DENND11: variants seen among roughly 807,000 people sequenced by gnomAD.
DENND11 encodes DENN domain-containing protein 11.
DENND11 carries 34 observed loss-of-function variants against 49.2 expected under a neutral mutation model. That is an observed-to-expected ratio of 0.69 (90% CI 0.53 to 0.92). The LOEUF is 0.92. Ranked by LOEUF, DENND11 falls within the 40% of genes least tolerant of loss-of-function variation. DENND11 has a pLI of 0.00. For missense variants in DENND11, 475 were observed against 581.6 expected, an observed-to-expected ratio of 0.82 and a Z score of 1.88; for synonymous variants, 238 against 230.3, an observed-to-expected ratio of 1.03 and a Z score of -0.30.
intron 3 of DENND11, among the ~76,000 whole-genome samples, chr7:141,674,922 GC>G (rs577402739): frequency 1.3e-5 from 2 of 152,184 alleles, no homozygotes; most frequent in South Asian, 2.1e-4. Context: ...GGAGAATCCT[GC>G]CCCCCAGTGG....
intron 1 of DENND11, among the ~76,000 whole-genome samples, chr7:141,694,528 T>C (rs1331448792): frequency 6.6e-6 from 1 of 152,198 alleles, no homozygotes; most frequent in Admixed American, 6.5e-5. Flanking sequence ...TCCAAAGTGT[T>C]GGTATTACAG....
intron 4 of DENND11, among the ~76,000 whole-genome samples, chr7:141,670,032 G>C (rs932591517): frequency 7.3e-5 from 11 of 150,290 alleles, no homozygotes; most frequent in Admixed American, 2.6e-4. Flanking sequence ...GGATGGTCTC[G>C]ATCTCCTGAC....
intron 4 of DENND11, among the ~76,000 whole-genome samples, chr7:141,668,350 G>T (rs551315915): frequency 2.0e-5 from 3 of 152,140 alleles, no homozygotes; most frequent in Non-Finnish European, 4.4e-5. Context: ...ACTTTGGGAG[G>T]CCGAGGTGGG....
chr7:141,665,231 A>C lies in DENND11; in HGVS notation c.908T>G (p.Val303Gly). The C allele has an allele frequency of 1.2e-6, 2 of 1,613,484 alleles. No individual in the cohort carries two copies. Among genetic ancestry groups the C allele is most frequent in the Non-Finnish European group, 1.7e-6 (2 of 1,179,714 alleles). ...TACCTCCAGGCTCTCGATGTCAGCC[A>C]CGTTCACGTAGAAGAAAGGTTTGGA... ...PESKPFFYVNVADIESLEVEV... is the reference protein window; with the variant it reads ...PESKPFFYVNGADIESLEVEV... The change falls in exon 6 of 9, where the codon GTG becomes GGG. Residue 303 changes from valine (V) to glycine (G), a missense_variant. Physicochemically the swap from Val to Gly is moderately radical, Grantham distance 109. Coordinates refer to ENST00000536163, the MANE Select transcript of DENND11 (RefSeq NM_001080392.2).
chr7:141,700,002 G>A (rs1798481175), intron 1 of DENND11, among the ~76,000 whole-genome samples: 1 of 152,128 alleles, frequency 6.6e-6, no homozygotes, highest in African/African-American at 2.4e-5. Context: ...AGGAATGGGG[G>A]CAGGTACTAG....
chr7:141,677,513 A>G (rs1271769775), intron 3 of DENND11, among the ~76,000 whole-genome samples: 3 of 130,506 alleles, frequency 2.3e-5, no homozygotes, highest in East Asian at 5.0e-4. Flanking sequence ...GTATATATAT[A>G]TATATATGTA....
intron 4 of DENND11, among the ~76,000 whole-genome samples, chr7:141,672,474 A>G (rs2117059045): frequency 6.6e-6 from 1 of 152,348 alleles, no homozygotes; most frequent in Non-Finnish European, 1.5e-5. Flanking sequence ...AACTGAGGGG[A>G]GCCCCCAACT....
Position 141,665,022 on chromosome 7 carries a change from C to T in DENND11, c.985G>A (p.Glu329Lys), listed in dbSNP as rs1036056178. The T allele has an allele frequency of 6.2e-7, 1 of 1,613,918 alleles. No individual in the cohort carries two copies. The highest frequency in any genetic ancestry group is 1.7e-5 in the Admixed American group (1 of 60,004). Reference sequence around the variant, plus strand: ...TTATCCACGTAGACGTCATACAGCTCCCGCTTCTCCTCGAATATCTTCTCT... The same window carrying T: ...TTATCCACGTAGACGTCATACAGCTTCCGCTTCTCCTCGAATATCTTCTCT... ...TTEKIFEEKR[E>K]LYDVYVDNQN... Residue 329 changes from glutamate to lysine, a missense_variant, in exon 7 of 9, where the codon GAG becomes AAG. Coordinates refer to ENST00000536163, the MANE Select transcript of DENND11 (RefSeq NM_001080392.2).
chr7:141,690,360 T>G (rs867340064), intron 1 of DENND11, among the ~76,000 whole-genome samples: 1 of 152,184 alleles, frequency 6.6e-6, no homozygotes, highest in Non-Finnish European at 1.5e-5. Flanking sequence ...CCCACCTATC[T>G]TCATGAGTTT....
intron 4 of DENND11, among the ~76,000 whole-genome samples, chr7:141,668,791 T>C (rs1797933650): frequency 6.6e-6 from 1 of 152,212 alleles, no homozygotes; most frequent in African/African-American, 2.4e-5. Flanking sequence ...TCTCACCCCT[T>C]CTCACCTGCA....
intron 3 of DENND11, among the ~76,000 whole-genome samples, chr7:141,677,399 AAAAAT>A (rs1308690535): frequency 3.1e-5 from 3 of 96,926 alleles, no homozygotes; most frequent in Admixed American, 1.4e-4. Context: ...TCAAAAAAAA[AAAAAT>A]ATATATATAT....
In DENND11 at chr7:141,662,888, G is replaced by A. The variant is rs762025222; in HGVS notation, c.1173-37C>T. 1,445 of 1,469,246 alleles carry A rather than the reference G, an allele frequency of 9.8e-4. 1 individual carries two copies. The highest frequency in any genetic ancestry group is 1.2e-3 in the Non-Finnish European group (1,328 of 1,100,664). 91.0% of individuals were successfully genotyped at this position (1,469,246 alleles called of 1,614,324 possible). A position where few individuals can be genotyped will look rare whatever the true frequency, so the allele number is the denominator to read the frequency against. ...AGACAAGACACAGGAAAGGAAGCGG[G>A]GGGGAATAAAAAGCTCACCAGATAA... On this transcript the variant is annotated intron_variant, in intron 8 of 8. Coordinates refer to ENST00000536163, the MANE Select transcript of DENND11 (RefSeq NM_001080392.2).
chr7:141,693,281 C>T lies in DENND11; in HGVS notation c.269-6623G>A, dbSNP rs926271719. Among the ~76,000 whole-genome samples the T allele has an allele frequency of 3.9e-5, 6 of 152,214 alleles. No individual in the cohort carries two copies. In the East Asian group the frequency reaches 1.2e-3, roughly 29 times the overall value. On this transcript the variant is annotated intron_variant, in intron 1 of 8. Coordinates refer to ENST00000536163, the MANE Select transcript of DENND11 (RefSeq NM_001080392.2). ...ACTATTTTTTCATATGCTCATTACG[C>T]AATTGCAAATTAAAATAACAATGAG...
intron 3 of DENND11, 87 bp from the exon 4 acceptor site, chr7:141,674,307 C>T (rs1394394801): frequency 9.0e-5 from 126 of 1,401,522 alleles, no homozygotes; most frequent in Non-Finnish European, 1.1e-4. Flanking sequence ...TACCCTCCGC[C>T]CACCTCAAGG....
In DENND11 at chr7:141,658,558, A is replaced by C. The variant is rs1474475868; in HGVS notation, c.*4098T>G. ...AGGGAGATAAAAGCCCATGCCTGGC[A>C]TATTGGTCCCCATTCTAATTGTCTT... On this transcript the variant is annotated 3_prime_UTR_variant, in exon 9 of 9. Transcript: ENST00000536163. 1 of 152,240 alleles carries C rather than the reference A, an allele frequency of 6.6e-6. No homozygotes were observed. The highest frequency in any genetic ancestry group is 1.5e-5 in the Non-Finnish European group (1 of 68,058). 9.4% of individuals were successfully genotyped at this position (152,240 alleles called of 1,614,324 possible).
chr7:141,687,045 A>G (rs1798254450), intron 1 of DENND11, among the ~76,000 whole-genome samples: 1 of 152,028 alleles, frequency 6.6e-6, no homozygotes, highest in South Asian at 2.1e-4. Flanking sequence ...TCTTGATTCT[A>G]TCTATAGCCA....
Position 141,702,139 on chromosome 7 carries a change from T to C in DENND11, c.15A>G (p.Gly5=), listed in dbSNP as rs2117089873. 1 of 982,280 alleles carries C rather than the reference T, an allele frequency of 1.0e-6. No individual in the cohort carries two copies. Among genetic ancestry groups the C allele is most frequent in the East Asian group, 1.1e-4 (1 of 8,732 alleles). The allele number at this position is 982,280 out of a possible 1,614,324, so 60.8% of individuals were successfully genotyped here. A position where few individuals can be genotyped will look rare whatever the true frequency, so the allele number is the denominator to read the frequency against. Residue 5 remains glycine, a synonymous_variant, in exon 1 of 9, where the codon GGA becomes GGG. Transcript: ENST00000536163. MVEQ[G]DAAPLLRWAE... is the part of the protein sequence containing the mutation. ...CCCAGCGCAGCAGCGGCGCCGCGTCTCCCTGCTCCACCATGGCTAGGCGAG... is the reference window on the plus strand; with the variant it reads ...CCCAGCGCAGCAGCGGCGCCGCGTCCCCCTGCTCCACCATGGCTAGGCGAG...
In DENND11 at chr7:141,658,340, A is replaced by G. The variant is rs533377298; in HGVS notation, c.*4316T>C. On this transcript the variant is annotated 3_prime_UTR_variant, in exon 9 of 9. Transcript: ENST00000536163. ...GATAAAAATGGAATATTAAAAATCCATGACTTGGGAGTAAACGGAGCCCTT... is the reference window on the plus strand; with the variant it reads ...GATAAAAATGGAATATTAAAAATCCGTGACTTGGGAGTAAACGGAGCCCTT... 2.6e-5 allele frequency: 4 copies of G among 152,306 alleles called. No homozygotes were observed. The highest frequency in any genetic ancestry group is 2.1e-4 in the South Asian group (1 of 4,820). The allele number at this position is 152,306 out of a possible 1,614,324, so 9.4% of individuals were successfully genotyped here. A position where few individuals can be genotyped will look rare whatever the true frequency, so the allele number is the denominator to read the frequency against.
chr7:141,665,372 T>C (rs1797877870), intron 5 of DENND11, 54 bp from the exon 6 acceptor site: 1 of 1,606,200 alleles, frequency 6.2e-7, no homozygotes, highest in Non-Finnish European at 8.5e-7. Flanking sequence ...CAGCCCTTCC[T>C]CCCTCGGAGC....
Sources: allele counts gnomAD v4.1 joint callset (sites outside exome capture counted in the v4.1 genomes callset), GRCh38; gene constraint gnomAD v4.1.1; transcripts MANE v1.5; gene names NCBI Gene and HGNC (gene_info 2026-07-23, HGNC 2026-07-21).